Variants in PCDHA2 observed in about 807,000 individuals in gnomAD.
PCDHA2 encodes protocadherin alpha 2, also known as protocadherin alpha-2.
Under a neutral mutation model 66.0 loss-of-function variants are expected in PCDHA2, and 58 were observed. The observed-to-expected ratio is 0.88, with a 90% CI of 0.71 to 1.09. The LOEUF (loss-of-function observed/expected upper bound fraction) is 1.09. Among genes scored for constraint, PCDHA2 ranks in the 50% least tolerant of loss-of-function variants. PCDHA2 has a pLI of 0.00. For synonymous variants in PCDHA2, 634 were observed against 554.0 expected, an observed-to-expected ratio of 1.14 and a Z score of -2.03; for missense variants, 1,267 against 1,242.3, an observed-to-expected ratio of 1.02 and a Z score of -0.30.
At chr5:140,962,191 T>C (rs2095664022) in intron 1 of PCDHA2, among the ~76,000 whole-genome samples, 1 of 152,210 alleles carries the variant, frequency 6.6e-6, no homozygotes, top group African/African-American at 2.4e-5. Flanking sequence ...ATCACTTTTA[T>C]GCTTCCTATC....
intron 1 of PCDHA2, among the ~76,000 whole-genome samples, chr5:140,844,348 A>T (rs1466711189): frequency 6.7e-6 from 1 of 149,514 alleles, no homozygotes; most frequent in Non-Finnish European, 1.5e-5. Context: ...AAGTAAAATC[A>T]AGAGGGAAGA....
chr5:140,884,488 G>T, intron 1 of PCDHA2: 1 of 1,614,046 alleles, frequency 6.2e-7, no homozygotes, highest in East Asian at 2.2e-5. Context: ...CCACTCTAGT[G>T]TGCTCCAGCG....
chr5:140,856,185 G>C, intron 1 of PCDHA2: 1 of 1,598,160 alleles, frequency 6.3e-7, no homozygotes. Context: ...TTCGTGGGCC[G>C]CATCGCGCAG....
intron 1 of PCDHA2, among the ~76,000 whole-genome samples, chr5:140,958,321 AAAAT>A: frequency 1.3e-5 from 2 of 152,256 alleles, no homozygotes; most frequent in Middle Eastern, 6.8e-3. Context: ...TAGAGCTCAA[AAAAT>A]AAATAAATCA....
intron 1 of PCDHA2, among the ~76,000 whole-genome samples, chr5:140,888,362 T>G (rs1282144902): frequency 6.6e-6 from 1 of 152,208 alleles, no homozygotes; most frequent in African/African-American, 2.4e-5. Flanking sequence ...TACTGGCATC[T>G]AATAATGGAG....
intron 1 of PCDHA2, among the ~76,000 whole-genome samples, chr5:140,826,937 T>A (rs1769122740): frequency 6.6e-6 from 1 of 152,164 alleles, no homozygotes; most frequent in African/African-American, 2.4e-5. Context: ...CTTAGGTGGA[T>A]GTGGAATAAG....
intron 1 of PCDHA2, among the ~76,000 whole-genome samples, chr5:140,909,158 A>G (rs2074345366): frequency 6.6e-6 from 1 of 152,338 alleles, no homozygotes; most frequent in Non-Finnish European, 1.5e-5. Flanking sequence ...TATGGAAGGG[A>G]AAATCAATCA....
rs181858092 is a variant in PCDHA2 at position 140,895,275 on chromosome 5, A to G, written c.2389-83674A>G. The stretch of plus-strand genomic sequence containing the variant: ...TTTCTTTTTTTTCTTACTCAGGGAT[A>G]ATTGAATTAGGACCTTCGATTTCCC... On this transcript the variant is annotated intron_variant, in intron 1 of 3. Transcript: ENST00000526136. 2.0e-5 allele frequency among the ~76,000 whole-genome samples: 3 copies of G among 152,146 alleles called. No individual in the cohort carries two copies. The East Asian group carries it at 5.8e-4, about 29-fold the overall frequency.
intron 1 of PCDHA2, chr5:140,927,172 G>T: frequency 1.2e-6 from 2 of 1,614,152 alleles, no homozygotes; most frequent in Non-Finnish European, 1.7e-6. Flanking sequence ...AGCTGCCTGC[G>T]TCTTGACCTA....
At chr5:140,860,638 CGAA>C (rs2046489260) in intron 1 of PCDHA2, 1 of 152,104 alleles carries the variant, frequency 6.6e-6, no homozygotes, top group African/African-American at 2.4e-5. Context: ...GAATCAGGAA[CGAA>C]GAAGATAAGT....
At chr5:141,006,406 G>A (rs553100919) in intron 3 of PCDHA2, among the ~76,000 whole-genome samples, 1 of 152,050 alleles carries the variant, frequency 6.6e-6, no homozygotes, top group East Asian at 1.9e-4. Context: ...GTAGAGACGC[G>A]GTTTCACTGT....
intron 1 of PCDHA2, chr5:140,801,263 A>G: frequency 1.2e-6 from 2 of 1,613,734 alleles, no homozygotes; most frequent in South Asian, 1.1e-5. Context: ...TGCTCCTCGC[A>G]GCCTCGGAGG....
At chr5:140,909,632 A>G (rs781948813) in intron 1 of PCDHA2, among the ~76,000 whole-genome samples, 3 of 152,038 alleles carry the variant, frequency 2.0e-5, no homozygotes, top group South Asian at 2.1e-4. Flanking sequence ...TGGTCTTCCT[A>G]TTTTGTCTTT....
intron 3 of PCDHA2, among the ~76,000 whole-genome samples, chr5:141,002,460 C>T (rs1554258683): frequency 2.0e-5 from 3 of 152,174 alleles, no homozygotes; most frequent in African/African-American, 7.2e-5. Context: ...ATTTGTATAA[C>T]GCTTTAGCAT....
chr5:140,900,022 T>C (rs1554188836), intron 1 of PCDHA2, among the ~76,000 whole-genome samples: 1 of 152,044 alleles, frequency 6.6e-6, no homozygotes, highest in African/African-American at 2.4e-5. Flanking sequence ...GTTACCCAGT[T>C]TGGCCTTGAA....
At position 140,853,802 on chromosome 5, in the gene PCDHA2, G is replaced by T. The variant is rs10054866; in HGVS notation, c.2388+56450G>T. The T allele has an allele frequency of 3.5e-3, 3,416 of 986,938 alleles. 247 individuals are homozygous for T. The African/African-American group carries it at 0.056, about 16-fold the overall frequency. 61.1% of individuals were successfully genotyped at this position (986,938 alleles called of 1,614,324 possible). Reference sequence around the variant, plus strand: ...AGTAAGAGCAAATTTTCATTTTAAAGCACACCTGAGATGATTCTCATACAA... The same window carrying T: ...AGTAAGAGCAAATTTTCATTTTAAATCACACCTGAGATGATTCTCATACAA... On this transcript the variant is annotated intron_variant, in intron 1 of 3. Coordinates refer to ENST00000526136, the MANE Select transcript of PCDHA2 (RefSeq NM_018905.3).
chr5:140,956,194 A>G (rs1370463281), intron 1 of PCDHA2, among the ~76,000 whole-genome samples: 1 of 152,060 alleles, frequency 6.6e-6, no homozygotes, highest in Non-Finnish European at 1.5e-5. Flanking sequence ...GCTGAATAGG[A>G]GTGGTGAAAG....
At chr5:140,967,972 G>A (rs781888174) in intron 1 of PCDHA2, 88 of 1,614,072 alleles carry the variant, frequency 5.5e-5, no homozygotes, top group Non-Finnish European at 7.3e-5. Flanking sequence ...AAGTGAGCCT[G>A]GGTCTGGAGG....
chr5:140,986,945 C>T (rs1295830111), intron 3 of PCDHA2, among the ~76,000 whole-genome samples: 1 of 151,946 alleles, frequency 6.6e-6, no homozygotes, highest in Non-Finnish European at 1.5e-5. Flanking sequence ...TGGGTGTGGT[C>T]GCTCATGCCT....
Sources: allele counts gnomAD v4.1 joint callset (sites outside exome capture counted in the v4.1 genomes callset), GRCh38; gene constraint gnomAD v4.1.1; transcripts MANE v1.5; gene names NCBI Gene and HGNC (gene_info 2026-07-23, HGNC 2026-07-21).